Variants in GPR158 observed in about 807,000 individuals in gnomAD.
GPR158 encodes metabotropic glycine receptor.
A neutral mutation model predicts 78.2 loss-of-function variants in GPR158; 30 were observed. That is an observed-to-expected ratio of 0.38 (90% CI 0.29 to 0.52). The LOEUF is 0.52. Ranked by LOEUF, GPR158 falls within the 20% of genes least tolerant of loss-of-function variation. The probability of loss-of-function intolerance (pLI) is 0.83; values close to 1 mark genes in which losing one functional copy is unlikely to be tolerated. For synonymous variants in GPR158, 581 were observed against 591.1 expected (o/e 0.98, Z 0.25); for missense variants, 1,463 against 1,523.5 (o/e 0.96, Z 0.66).
intron 7 of GPR158, 60 bp downstream of exon 7, chr10:25,572,947 C>T: frequency 1.0e-6 from 1 of 994,034 alleles, no homozygotes; most frequent in Non-Finnish European, 1.6e-6. Flanking sequence ...TTACAACTGA[C>T]TTCTTTAAAA....
At chr10:25,466,510 A>G in intron 4 of GPR158, 141 bp from the exon 5 acceptor site, 1 of 561,588 alleles carries the variant, frequency 1.8e-6, no homozygotes, top group Non-Finnish European at 3.2e-6. Context: ...TACCCACCTG[A>G]ATACTAACCA....
At chr10:25,272,629 C>T (rs1327918592) in intron 2 of GPR158, among the ~76,000 whole-genome samples, 1 of 152,154 alleles carries the variant, frequency 6.6e-6, no homozygotes, top group Admixed American at 6.6e-5. Flanking sequence ...TGGATTGCTT[C>T]TCCCAGGAGA....
chr10:25,289,102 T>C (rs762405479), intron 2 of GPR158, among the ~76,000 whole-genome samples: 10 of 152,214 alleles, frequency 6.6e-5, no homozygotes, highest in Non-Finnish European at 1.2e-4. Context: ...CTTTTAGCCT[T>C]TGTTTTCTCA....
At chr10:25,332,524 C>T (rs1037229571) in intron 2 of GPR158, among the ~76,000 whole-genome samples, 1 of 152,118 alleles carries the variant, frequency 6.6e-6, no homozygotes, top group Non-Finnish European at 1.5e-5. Context: ...CACAACTCAA[C>T]ATCTAGGTTT....
chr10:25,498,737 G>T lies in GPR158; in HGVS notation c.1404+32018G>T, dbSNP rs186060804. On this transcript the variant is annotated intron_variant, in intron 5 of 10. Transcript: ENST00000376351. ...AATCCTCCCACTGTCTGTCACCTGG[G>T]CAGCAAACCATTTTTGAATGTAGGG... 9.6e-4 allele frequency among the ~76,000 whole-genome samples: 146 copies of T among 152,292 alleles called. 1 individual carries two copies. Among genetic ancestry groups the T allele is most frequent in the African/African-American group, 3.2e-3 (134 of 41,550 alleles).
chr10:25,535,517 T>G (rs1449747470), intron 5 of GPR158, among the ~76,000 whole-genome samples: 1 of 152,188 alleles, frequency 6.6e-6, no homozygotes, highest in Non-Finnish European at 1.5e-5. Context: ...CTTCTCCAGT[T>G]TAGCCTTCAG....
intron 2 of GPR158, among the ~76,000 whole-genome samples, chr10:25,356,891 T>A (rs71495436): frequency 0.1 from 15,149 of 151,992 alleles, 1,855 homozygotes; most frequent in African/African-American, 0.3. Flanking sequence ...TTGGATCAGT[T>A]TGGAGAGCTC....
chr10:25,439,092 A>G (rs915193761), intron 4 of GPR158, among the ~76,000 whole-genome samples: 1 of 152,202 alleles, frequency 6.6e-6, no homozygotes, highest in Non-Finnish European at 1.5e-5. Flanking sequence ...CTGGCACATT[A>G]CAGAAAAAGT....
intron 5 of GPR158, among the ~76,000 whole-genome samples, chr10:25,488,810 G>A (rs1835766205): frequency 6.6e-6 from 1 of 151,862 alleles, no homozygotes. Flanking sequence ...TTCATATATT[G>A]TTTTTTTCTG....
intron 5 of GPR158, among the ~76,000 whole-genome samples, chr10:25,473,627 T>G (rs1835540828): frequency 6.6e-6 from 1 of 152,200 alleles, no homozygotes. Context: ...TGCCTCAATT[T>G]CAGAGCCTGT....
chr10:25,487,521 G>A (rs561990242), intron 5 of GPR158, among the ~76,000 whole-genome samples: 2 of 152,276 alleles, frequency 1.3e-5, no homozygotes, highest in Non-Finnish European at 2.9e-5. Flanking sequence ...AGTGTTCACA[G>A]TCACAGTATA....
At chr10:25,193,433 G>A (rs1852800636) in intron 1 of GPR158, among the ~76,000 whole-genome samples, 1 of 152,136 alleles carries the variant, frequency 6.6e-6, no homozygotes, top group African/African-American at 2.4e-5. Context: ...GAAGCCACAA[G>A]AACAAAGACC....
chr10:25,362,440 C>T (rs1855654148), intron 2 of GPR158, among the ~76,000 whole-genome samples: 1 of 151,726 alleles, frequency 6.6e-6, no homozygotes, highest in Admixed American at 6.6e-5. Context: ...TTTGGGCTCC[C>T]TTGATATTCT....
At chr10:25,504,514 A>G (rs927820769) in intron 5 of GPR158, among the ~76,000 whole-genome samples, 1 of 152,144 alleles carries the variant, frequency 6.6e-6, no homozygotes, top group Non-Finnish European at 1.5e-5. Flanking sequence ...CTTCACATCC[A>G]TCATCTGAAG....
chr10:25,351,434 G>A (rs1055293135), intron 2 of GPR158, among the ~76,000 whole-genome samples: 8 of 151,196 alleles, frequency 5.3e-5, no homozygotes, highest in Admixed American at 2.0e-4. Flanking sequence ...TTGGGGGTGG[G>A]GGGGTGCTGG....
intron 4 of GPR158, among the ~76,000 whole-genome samples, chr10:25,419,585 G>T (rs954878265): frequency 6.6e-6 from 1 of 152,092 alleles, no homozygotes; most frequent in African/African-American, 2.4e-5. Flanking sequence ...TTTCACAGAG[G>T]CCCCACCATT....
intron 3 of GPR158, among the ~76,000 whole-genome samples, chr10:25,398,241 T>A (rs1834392670): frequency 6.6e-6 from 1 of 152,176 alleles, no homozygotes; most frequent in South Asian, 2.1e-4. Flanking sequence ...AACAGACATC[T>A]TAAGCCCCTA....
chr10:25,256,582 G>A lies in GPR158; in HGVS notation c.1008+35425G>A, dbSNP rs552319388. Among the ~76,000 whole-genome samples, 72 of 129,672 alleles carry A rather than the reference G, an allele frequency of 5.6e-4. No individual in the cohort carries two copies. The East Asian group carries it at 0.015, about 27-fold the overall frequency. 85.1% of individuals were successfully genotyped at this position (129,672 alleles called of 152,430 possible). A position where few individuals can be genotyped will look rare whatever the true frequency, so the allele number is the denominator to read the frequency against. On this transcript the variant is annotated intron_variant, in intron 2 of 10. Coordinates refer to ENST00000376351, the MANE Select transcript of GPR158 (RefSeq NM_020752.3). The stretch of plus-strand genomic sequence containing the variant: ...AGGAACTCAGGAGGCTGAGGCAGGA[G>A]GCTGAGGCGGTAGGAGTGCTTGAGC...
intron 4 of GPR158, among the ~76,000 whole-genome samples, chr10:25,434,733 A>G (rs938824378): frequency 1.3e-5 from 2 of 152,184 alleles, no homozygotes; most frequent in East Asian, 3.9e-4. Context: ...AAGTCCATCT[A>G]TCTAGGGCTT....
Sources: gnomAD v4.1 joint callset for allele counts (sites outside exome capture counted in the v4.1 genomes callset) on GRCh38, gnomAD v4.1.1 for gene constraint, MANE v1.5 for transcripts, NCBI Gene and HGNC (gene_info 2026-07-23, HGNC 2026-07-21) for gene names.